ADAMTSL1: variants seen among roughly 807,000 people sequenced by gnomAD.
ADAMTSL1 encodes ADAMTS like 1.
A neutral mutation model predicts 201.8 loss-of-function variants in ADAMTSL1; 126 were observed. The observed-to-expected ratio is 0.62, with a 90% CI of 0.54 to 0.72. The LOEUF is 0.72. Ranked by LOEUF, ADAMTSL1 falls within the 30% of genes least tolerant of loss-of-function variation. ADAMTSL1 has a pLI of 0.00. For synonymous variants in ADAMTSL1, 1,121 were observed against 903.4 expected (o/e 1.24, Z -4.32); for missense variants, 2,679 against 2,277.8 (o/e 1.18, Z -3.59).
chr9:18,624,814 A>G (rs1348289076), intron 5 of ADAMTSL1, among the ~76,000 whole-genome samples: 1 of 152,158 alleles, frequency 6.6e-6, no homozygotes, highest in Non-Finnish European at 1.5e-5. Context: ...ACCTCAATGA[A>G]AAGTGCCCTA....
chr9:18,483,751 T>A (rs375581556), intron 1 of ADAMTSL1, among the ~76,000 whole-genome samples: 2 of 151,992 alleles, frequency 1.3e-5, no homozygotes, highest in Non-Finnish European at 2.9e-5. Context: ...GGCGTGAACC[T>A]GGGAGGCGGA....
At position 18,745,022 on chromosome 9, in the gene ADAMTSL1, T is replaced by C. The variant is rs549969848; in HGVS notation, c.2007-8276T>C. The stretch of plus-strand genomic sequence containing the variant: ...TCTCATTACTGGTGATGTTCACTCT[T>C]ATCACTTGGTTAAGATGATGGCCAG... On this transcript the variant is annotated intron_variant, in intron 15 of 28. Transcript: ENST00000380548. Among the ~76,000 whole-genome samples, 3 of 152,344 alleles carry C rather than the reference T, an allele frequency of 2.0e-5. No individual in the cohort carries two copies. In the East Asian group the frequency reaches 5.8e-4, roughly 29 times the overall value.
intron 21 of ADAMTSL1, among the ~76,000 whole-genome samples, chr9:18,825,538 G>T (rs1448952982): frequency 3.9e-5 from 6 of 152,074 alleles, no homozygotes; most frequent in Non-Finnish European, 8.8e-5. Flanking sequence ...GCTTCCATTT[G>T]TCTAGTTCAT....
chr9:18,157,170 A>G (rs1827192538), intron 1 of ADAMTSL1, among the ~76,000 whole-genome samples: 3 of 152,050 alleles, frequency 2.0e-5, no homozygotes, highest in African/African-American at 7.2e-5. Context: ...TAGCTTGTTT[A>G]TAGATCAATC....
At chr9:17,921,433 T>C (rs935649085) in intron 1 of ADAMTSL1, among the ~76,000 whole-genome samples, 2 of 152,234 alleles carry the variant, frequency 1.3e-5, no homozygotes, top group African/African-American at 4.8e-5. Flanking sequence ...CGCCTGTTGT[T>C]GTGTCCTTTC....
intron 2 of ADAMTSL1, among the ~76,000 whole-genome samples, chr9:18,443,199 C>G (rs542386481): frequency 5.5e-4 from 83 of 152,212 alleles, no homozygotes; most frequent in Non-Finnish European, 7.6e-4. Context: ...GCTGCACACT[C>G]TAGGCCACAT....
intron 1 of ADAMTSL1, among the ~76,000 whole-genome samples, chr9:18,134,914 T>A (rs905676176): frequency 6.6e-6 from 1 of 152,168 alleles, no homozygotes; most frequent in African/African-American, 2.4e-5. Context: ...CATCACAACT[T>A]CAATAACTGT....
At chr9:18,887,805 GCTTA>G in intron 23 of ADAMTSL1, 22 bp from the exon 24 acceptor site, 1 of 1,596,854 alleles carries the variant, frequency 6.3e-7, no homozygotes, top group Non-Finnish European at 8.6e-7. Context: ...CTTTACTAAG[GCTTA>G]CTTCTTTTCC....
rs117926186 is a variant in ADAMTSL1, at chr9:18,628,989, A to T, written c.601+6620A>T. On this transcript the variant is annotated intron_variant, in intron 5 of 28. Coordinates refer to ENST00000380548, the MANE Select transcript of ADAMTSL1 (RefSeq NM_001040272.6). ...AGTGATCTACCTGCCTCAGCCTCCC[A>T]AGTAGCTGGGACTACAGGAGTTACT... Among the ~76,000 whole-genome samples the T allele has an allele frequency of 4.9e-4, 74 of 152,290 alleles. 3 individuals carry two copies. In the East Asian group the frequency reaches 0.013, roughly 26 times the overall value.
intron 23 of ADAMTSL1, among the ~76,000 whole-genome samples, chr9:18,841,741 C>T (rs1420119746): frequency 6.6e-6 from 1 of 152,162 alleles, no homozygotes; most frequent in East Asian, 1.9e-4. Context: ...TTCAGAGATT[C>T]AACTTCTTCC....
intron 4 of ADAMTSL1, among the ~76,000 whole-genome samples, chr9:18,579,699 C>A (rs1163618549): frequency 6.6e-6 from 1 of 152,096 alleles, no homozygotes; most frequent in African/African-American, 2.4e-5. Flanking sequence ...TTTCCTATTG[C>A]AGTCATCTTT....
At chr9:18,316,805 A>T (rs917924899) in intron 2 of ADAMTSL1, among the ~76,000 whole-genome samples, 5 of 152,152 alleles carry the variant, frequency 3.3e-5, no homozygotes, top group African/African-American at 1.2e-4. Context: ...GGGAAGTGAT[A>T]AGTGTCCATG....
At position 18,770,752 on chromosome 9, in the gene ADAMTSL1, A is replaced by T; in HGVS notation, c.2368A>T (p.Ser790Cys). The change falls in exon 17 of 29, where the codon AGC becomes TGC. Residue 790 changes from serine (S) to cysteine (C), a missense_variant. Physicochemically the swap from Ser to Cys is moderately radical, Grantham distance 112. Transcript: ENST00000380548. ...AGCATGCAAGAAAGATGACTGTCCC[A>T]GCGAGTGGCTTCTCTCAGACTGGAC... ...QQACKKDDCP[S>C]EWLLSDWTEC... is the part of the protein sequence containing the mutation. 1 of 1,613,930 alleles carries T rather than the reference A, an allele frequency of 6.2e-7. No individual in the cohort carries two copies. The highest frequency in any genetic ancestry group is 8.5e-7 in the Non-Finnish European group (1 of 1,179,868).
chr9:18,099,349 A>ATT (rs1425151889), intron 1 of ADAMTSL1, among the ~76,000 whole-genome samples: 10 of 49,294 alleles, frequency 2.0e-4, no homozygotes, highest in African/African-American at 6.7e-4. Flanking sequence ...ATATATATAT[A>ATT]TATATATTTT....
chr9:18,871,738 A>G lies in ADAMTSL1; in HGVS notation c.4250-16093A>G, dbSNP rs1036091777. On this transcript the variant is annotated intron_variant, in intron 23 of 28. Transcript: ENST00000380548. ...TCCAAACTCTTTAGCTCTTATTTGC[A>G]TCCTCCCCTTTCTTCCTCACATTCC... 1.2e-4 allele frequency among the ~76,000 whole-genome samples: 18 copies of G among 152,072 alleles called. 1 individual carries two copies. Among genetic ancestry groups the G allele is most frequent in the African/African-American group, 4.1e-4 (17 of 41,410 alleles).
At chr9:17,906,792 A>AG (rs1825729924) in exon 1 of ADAMTSL1, 1 of 152,188 alleles carries the variant, frequency 6.6e-6, no homozygotes, top group African/African-American at 2.4e-5. Flanking sequence ...TCTTCGAGGG[A>AG]GGGGTCTCGC....
intron 2 of ADAMTSL1, among the ~76,000 whole-genome samples, chr9:18,409,978 C>G (rs998728724): frequency 2.6e-5 from 4 of 151,586 alleles, no homozygotes; most frequent in African/African-American, 9.7e-5. Flanking sequence ...GTCCCAATTA[C>G]AAGTATCTTT....
intron 3 of ADAMTSL1, among the ~76,000 whole-genome samples, chr9:18,538,917 C>T (rs1819959828): frequency 6.6e-6 from 1 of 152,164 alleles, no homozygotes; most frequent in East Asian, 1.9e-4. Flanking sequence ...TTGAAAGAAA[C>T]TGTTGAAACA....
intron 1 of ADAMTSL1, among the ~76,000 whole-genome samples, chr9:17,977,227 A>G (rs1450939327): frequency 3.3e-5 from 5 of 151,942 alleles, no homozygotes; most frequent in African/African-American, 1.2e-4. Flanking sequence ...TCAGTTTGCC[A>G]TTATTTTATT....
Sources: gnomAD v4.1 joint callset for allele counts (sites outside exome capture counted in the v4.1 genomes callset) on GRCh38, gnomAD v4.1.1 for gene constraint, MANE v1.5 for transcripts, NCBI Gene and HGNC (gene_info 2026-07-23, HGNC 2026-07-21) for gene names.